The following QTGAL variants were observed in gnomAD, a reference collection of about 807,000 sequenced individuals.
The protein encoded by QTGAL is queuosine-tRNA galactosyltransferase.
the QTGAL span, among the ~76,000 whole-genome samples, chr17:82,989,812 C>G: frequency 1.3e-5 from 2 of 152,002 alleles, no homozygotes; most frequent in African/African-American, 4.8e-5. Flanking sequence ...ATAGAAAAAA[C>G]AAACAAAAAT....
At chr17:82,954,642 A>G in the QTGAL span, among the ~76,000 whole-genome samples, 1 of 152,246 alleles carries the variant, frequency 6.6e-6, no homozygotes, top group African/African-American at 2.4e-5. Flanking sequence ...TTTAAATTTC[A>G]TATGAAACCA....
At chr17:82,969,134 G>GAAA in the QTGAL span, among the ~76,000 whole-genome samples, 11 of 141,768 alleles carry the variant, frequency 7.8e-5, no homozygotes, top group African/African-American at 2.1e-4. Flanking sequence ...TCCATTTCAG[G>GAAA]AAAAAAAAAA....
At chr17:83,016,425 G>C in the QTGAL span, among the ~76,000 whole-genome samples, 1 of 151,878 alleles carries the variant, frequency 6.6e-6, no homozygotes, top group Admixed American at 6.6e-5. Context: ...AGGAGGCTGG[G>C]GACAGAGGGG....
chr17:82,958,687 G>T, the QTGAL span, among the ~76,000 whole-genome samples: 1 of 151,812 alleles, frequency 6.6e-6, no homozygotes, highest in African/African-American at 2.4e-5. Flanking sequence ...GTCCTGCCTG[G>T]AGTCTACCTT....
chr17:83,032,493 A>G, the QTGAL span, among the ~76,000 whole-genome samples: 183 of 27,516 alleles, frequency 6.7e-3, 17 homozygotes, highest in African/African-American at 0.026. Flanking sequence ...CGCAGACCGA[A>G]CTCGGGAGCT....
chr17:82,993,581 G>A, the QTGAL span, among the ~76,000 whole-genome samples: 8 of 151,988 alleles, frequency 5.3e-5, no homozygotes, highest in Non-Finnish European at 8.8e-5. Context: ...AGATTTTCCA[G>A]ACAGAAAATC....
the QTGAL span, among the ~76,000 whole-genome samples, chr17:83,043,946 T>A: frequency 6.8e-6 from 1 of 147,874 alleles, no homozygotes; most frequent in Non-Finnish European, 1.5e-5. Flanking sequence ...CAAGAAGAAA[T>A]AAAAAAAATC....
chr17:82,990,599 A>T, the QTGAL span, among the ~76,000 whole-genome samples: 1 of 152,246 alleles, frequency 6.6e-6, no homozygotes, highest in Non-Finnish European at 1.5e-5. Context: ...CAAATCCATC[A>T]TTATAGTTTG....
the QTGAL span, among the ~76,000 whole-genome samples, chr17:83,022,322 C>T: frequency 7.1e-6 from 1 of 140,612 alleles, no homozygotes; most frequent in Non-Finnish European, 1.6e-5. Context: ...GAGCTTAGCA[C>T]TGTCCCCGGC....
the QTGAL span, chr17:83,014,453 C>A: frequency 6.2e-7 from 1 of 1,613,868 alleles, no homozygotes; most frequent in South Asian, 1.1e-5. Flanking sequence ...CCAGTACTTA[C>A]GCTCGACGGG....
chr17:83,013,899 G>A, the QTGAL span, among the ~76,000 whole-genome samples: 9 of 152,262 alleles, frequency 5.9e-5, no homozygotes, highest in South Asian at 2.1e-4. Flanking sequence ...CAGGAGCCTC[G>A]CGGTGGCTGA....
chr17:82,957,498 C>A, the QTGAL span: 2 of 1,597,798 alleles, frequency 1.3e-6, no homozygotes, highest in Non-Finnish European at 1.7e-6. Flanking sequence ...GGTCGTCCTG[C>A]GGTGGAGAAG....
the QTGAL span, among the ~76,000 whole-genome samples, chr17:82,979,890 G>C: frequency 6.6e-6 from 1 of 152,184 alleles, no homozygotes; most frequent in African/African-American, 2.4e-5. Flanking sequence ...CAGGTCAATG[G>C]ACTAGAACAA....
the QTGAL span, among the ~76,000 whole-genome samples, chr17:82,958,414 G>A: frequency 7.2e-4 from 109 of 152,356 alleles, no homozygotes; most frequent in African/African-American, 2.6e-3. Flanking sequence ...GTCTGGGCCA[G>A]ACACAACCAA....
the QTGAL span, chr17:82,961,131 G>A: frequency 3.2e-5 from 51 of 1,607,806 alleles, no homozygotes; most frequent in South Asian, 3.6e-4. Flanking sequence ...GGATGACGCC[G>A]CCGCCCTTCC....
At chr17:82,942,363 CAG>C in the QTGAL span, 3 of 1,591,304 alleles carry the variant, frequency 1.9e-6, no homozygotes, top group African/African-American at 1.3e-5. Flanking sequence ...AGTCCCCACA[CAG>C]GGCCCAGAGG....
At chr17:82,957,220 G>A in the QTGAL span, 1 of 1,614,202 alleles carries the variant, frequency 6.2e-7, no homozygotes, top group Non-Finnish European at 8.5e-7. Context: ...TCCTGATCTT[G>A]TTCTCGTCCA....
chr17:82,975,959 T>A, the QTGAL span, among the ~76,000 whole-genome samples: 3 of 32,094 alleles, frequency 9.3e-5, no homozygotes, highest in Non-Finnish European at 1.0e-4. Context: ...CTATGGAGAG[T>A]CAGGGCCCCG....
At chr17:82,961,088 G>A in the QTGAL span, 1 of 1,610,470 alleles carries the variant, frequency 6.2e-7, no homozygotes, top group Non-Finnish European at 8.5e-7. Context: ...GCCTGTGGGT[G>A]GTGGCGATAC....
Sources: allele counts gnomAD v4.1 joint callset (sites outside exome capture counted in the v4.1 genomes callset), GRCh38; gene constraint gnomAD v4.1.1; transcripts MANE v1.5; gene names NCBI Gene and HGNC (gene_info 2026-07-23, HGNC 2026-07-21).